PACS1: variants seen among roughly 807,000 people sequenced by gnomAD.
PACS1 encodes PACS-1.
Under a neutral mutation model 115.0 loss-of-function variants are expected in PACS1, and 24 were observed. The ratio of observed to expected loss-of-function variants is 0.21; its 90% confidence interval spans 0.15 to 0.29. The LOEUF is 0.29. Among genes scored for constraint, PACS1 ranks in the 10% least tolerant of loss-of-function variants. PACS1 has a pLI of 1.00. For missense variants in PACS1, 838 were observed against 1,251.2 expected, an observed-to-expected ratio of 0.67 and a Z score of 4.98; for synonymous variants, 453 against 504.5, an observed-to-expected ratio of 0.90 and a Z score of 1.37.
intron 21 of PACS1, chr11:66,241,224 G>T: frequency 1.9e-6 from 1 of 535,346 alleles, no homozygotes; most frequent in Admixed American, 3.2e-5. Context: ...TCGTGACTTG[G>T]GCCTTTATTC....
At chr11:66,090,305 C>T (rs1290221045) in intron 1 of PACS1, among the ~76,000 whole-genome samples, 2 of 128,708 alleles carry the variant, frequency 1.6e-5, no homozygotes, top group African/African-American at 6.0e-5. Context: ...TAGGGTCTTG[C>T]TCTGTTGCCC....
chr11:66,095,536 C>A (rs1565104156), intron 1 of PACS1, among the ~76,000 whole-genome samples: 1 of 152,218 alleles, frequency 6.6e-6, no homozygotes, highest in Non-Finnish European at 1.5e-5. Context: ...CCACTCACTA[C>A]GAACTCAATC....
intron 1 of PACS1, among the ~76,000 whole-genome samples, chr11:66,076,781 C>T (rs975432605): frequency 6.6e-6 from 1 of 152,208 alleles, no homozygotes; most frequent in African/African-American, 2.4e-5. Flanking sequence ...GGCTTGCACC[C>T]ATGTTGTCAC....
At chr11:66,215,907 AT>A (rs1855192309) in intron 4 of PACS1, among the ~76,000 whole-genome samples, 5 of 100,040 alleles carry the variant, frequency 5.0e-5, no homozygotes, top group African/African-American at 2.0e-4. Context: ...CTCAAAAATA[AT>A]AATAATAATA....
chr11:66,146,621 A>G (rs1859129911), intron 1 of PACS1, among the ~76,000 whole-genome samples: 1 of 152,212 alleles, frequency 6.6e-6, no homozygotes. Flanking sequence ...AAAGGGCAGA[A>G]AAAAAATGTA....
chr11:66,158,643 G>A (rs976985303), intron 1 of PACS1, among the ~76,000 whole-genome samples: 1 of 152,184 alleles, frequency 6.6e-6, no homozygotes, highest in African/African-American at 2.4e-5. Context: ...CTAGGCTGCA[G>A]TGAGCTATGA....
chr11:66,214,484 TTTCC>T lies in PACS1; in HGVS notation c.661-1616_661-1613del, dbSNP rs1011564983. Among the ~76,000 whole-genome samples, 44 of 152,036 alleles carry T rather than the reference TTTCC, an allele frequency of 2.9e-4. No individual in the cohort carries two copies. The East Asian group carries it at 5.2e-3, about 18-fold the overall frequency. Reference sequence around the variant, plus strand: ...AGTCTTAGAGATTAGCAACCATTTCTTTCCTTCCTTCCTTCCTTCCTTTTTCTTC... The same window carrying T: ...AGTCTTAGAGATTAGCAACCATTTCTTTCCTTCCTTCCTTCCTTTTTCTTC... On this transcript the variant is annotated intron_variant, in intron 4 of 23. Transcript: ENST00000320580.
intron 2 of PACS1, among the ~76,000 whole-genome samples, chr11:66,208,521 T>C (rs1590819799): frequency 6.6e-6 from 1 of 152,192 alleles, no homozygotes; most frequent in East Asian, 1.9e-4. Context: ...GATTTGCTTC[T>C]TTTTAAAACT....
At chr11:66,206,922 T>C (rs754993340) in intron 2 of PACS1, among the ~76,000 whole-genome samples, 4 of 152,192 alleles carry the variant, frequency 2.6e-5, no homozygotes, top group Non-Finnish European at 5.9e-5. Flanking sequence ...CTGATTACTT[T>C]TTTCAACTTT....
rs762894930 is a variant in PACS1 at position 66,239,143 on chromosome 11, C to T, written c.2295C>T (p.Gly765=). Reference sequence around the variant, plus strand: ...TGTTTGTCGTTTGTCCCCTGACAGGCGATGGGGACGATTCTCCTGTGGTCA... The same window carrying T: ...TGTTTGTCGTTTGTCCCCTGACAGGTGATGGGGACGATTCTCCTGTGGTCA... ...GLVEDSPSTA[G]DGDDSPVVSL... is the part of the protein sequence containing the mutation. The change falls in exon 21 of 24, where the codon GGC becomes GGT. Residue 765 remains glycine, a splice_region_variant and synonymous_variant. Coordinates refer to ENST00000320580, the MANE Select transcript of PACS1 (RefSeq NM_018026.4). 16 of 1,614,160 alleles carry T rather than the reference C, an allele frequency of 9.9e-6. No individual in the cohort carries two copies. In the East Asian group the frequency reaches 1.1e-4, roughly 11 times the overall value.
At chr11:66,241,700 C>T (rs373240892) in intron 22 of PACS1, 47 bp downstream of exon 22, 36 of 1,438,312 alleles carry the variant, frequency 2.5e-5, no homozygotes, top group Middle Eastern at 3.8e-4. Flanking sequence ...CCAGGCCTCC[C>T]GTCTCGTCTC....
intron 22 of PACS1, 40 bp downstream of exon 22, chr11:66,241,693 G>T: frequency 6.6e-7 from 1 of 1,515,418 alleles, no homozygotes; most frequent in South Asian, 1.1e-5. Flanking sequence ...TGGGCCACCA[G>T]GCCTCCCGTC....
At chr11:66,123,827 T>C (rs945557230) in intron 1 of PACS1, among the ~76,000 whole-genome samples, 1 of 151,880 alleles carries the variant, frequency 6.6e-6, no homozygotes, top group African/African-American at 2.4e-5. Context: ...AGCCCATTTT[T>C]AAATTAAAGT....
chr11:66,220,846 T>C (rs1433342609), intron 9 of PACS1, 55 bp downstream of exon 9: 1 of 1,565,442 alleles, frequency 6.4e-7, no homozygotes, highest in African/African-American at 1.4e-5. Flanking sequence ...GCCATAGCAG[T>C]CTCCTGACCC....
At chr11:66,223,816 A>C (rs1307683046) in intron 10 of PACS1, among the ~76,000 whole-genome samples, 4 of 152,218 alleles carry the variant, frequency 2.6e-5, no homozygotes, top group Non-Finnish European at 4.4e-5. Flanking sequence ...TGACTTATAA[A>C]ACTTACAGAA....
rs1424631412 is a variant in PACS1 at position 66,243,085 on chromosome 11, G to A, written c.2776+54G>A. The A allele has an allele frequency of 3.1e-6, 5 of 1,612,590 alleles. No individual in the cohort carries two copies. In the South Asian group the frequency reaches 5.5e-5, roughly 18 times the overall value. On this transcript the variant is annotated intron_variant, in intron 23 of 23. Coordinates refer to ENST00000320580, the MANE Select transcript of PACS1 (RefSeq NM_018026.4). ...GGCAAGAAAGGGACTGGAGAGGGAG[G>A]CAGGCAATGGCCTTTCCCAAGGGGC...
rs1314111969 is a variant in PACS1 at position 66,097,436 on chromosome 11, GC to G, written c.356+26597del. On this transcript the variant is annotated intron_variant, in intron 1 of 23. Coordinates refer to ENST00000320580, the MANE Select transcript of PACS1 (RefSeq NM_018026.4). Reference sequence around the variant, plus strand: ...AACCCACAGCCAGCAAGAGACTGTGGCCCTCAGTCCAGCAGCCCACAAGGAA... The same window carrying G: ...AACCCACAGCCAGCAAGAGACTGTGGCCTCAGTCCAGCAGCCCACAAGGAA... Among the ~76,000 whole-genome samples, 3 of 152,280 alleles carry G rather than the reference GC, an allele frequency of 2.0e-5. No individual in the cohort carries two copies. In the East Asian group the frequency reaches 5.8e-4, roughly 29 times the overall value.
In PACS1 at chr11:66,233,680, T is replaced by A. The variant is rs1302697655; in HGVS notation, c.1839-105T>A. On this transcript the variant is annotated intron_variant, in intron 15 of 23. Transcript: ENST00000320580. The surrounding 1 kb of genome is among the most constrained non-coding windows in gnomAD (Gnocchi z 4.5). ...GTTTTATTTTGTGGATTGGTTTGCT[T>A]TTCCCCTGTGGGTTGTTGAGATCAC... 1 of 1,133,258 alleles carries A rather than the reference T, an allele frequency of 8.8e-7. No homozygotes were observed. The highest frequency in any genetic ancestry group is 1.6e-5 in the African/African-American group (1 of 64,414). 70.2% of individuals were successfully genotyped at this position (1,133,258 alleles called of 1,614,324 possible).
At chr11:66,074,864 T>C (rs1363325343) in intron 1 of PACS1, among the ~76,000 whole-genome samples, 4 of 152,032 alleles carry the variant, frequency 2.6e-5, no homozygotes, top group South Asian at 2.1e-4. Flanking sequence ...AGCCAAGATA[T>C]ACTACTCTAT....
Sources: allele counts gnomAD v4.1 joint callset (sites outside exome capture counted in the v4.1 genomes callset), GRCh38; gene constraint gnomAD v4.1.1; non-coding constraint Gnocchi (gnomAD v3.1); transcripts MANE v1.5; gene names NCBI Gene and HGNC (gene_info 2026-07-23, HGNC 2026-07-21).